The following ALDH8A1 variants were observed in gnomAD, a reference collection of about 807,000 sequenced individuals.
ALDH8A1 encodes 2-aminomuconic semialdehyde dehydrogenase.
Under a neutral mutation model 43.3 loss-of-function variants are expected in ALDH8A1, and 39 were observed. The observed-to-expected ratio is 0.90, with a 90% CI of 0.70 to 1.18. The LOEUF (loss-of-function observed/expected upper bound fraction) is 1.18, where lower values mean the gene tolerates loss of function less well. ALDH8A1 is among the 50% of genes most tolerant of loss of function. The pLI is 0.00. For missense variants in ALDH8A1, 605 were observed against 622.6 expected, an observed-to-expected ratio of 0.97 and a Z score of 0.30; for synonymous variants, 233 against 243.5, an observed-to-expected ratio of 0.96 and a Z score of 0.40.
chr6:134,926,431 C>T (rs1442125795), intron 6 of ALDH8A1, among the ~76,000 whole-genome samples: 1 of 151,102 alleles, frequency 6.6e-6, no homozygotes, highest in Admixed American at 6.6e-5. Context: ...AAACTCCTGA[C>T]CTCAAATGAT....
chr6:134,940,432 C>T (rs778498765), intron 3 of ALDH8A1, among the ~76,000 whole-genome samples: 4 of 152,084 alleles, frequency 2.6e-5, no homozygotes, highest in Non-Finnish European at 4.4e-5. Flanking sequence ...AAATCTCAAG[C>T]TTTATATAAT....
At chr6:134,940,260 C>T (rs1279220544) in intron 3 of ALDH8A1, 2 of 323,342 alleles carry the variant, frequency 6.2e-6, no homozygotes, top group African/African-American at 4.4e-5. Context: ...CAGTTGTCAC[C>T]TGTCACTAAA....
In ALDH8A1 at chr6:134,942,444, C is replaced by A. The variant is rs752384284; in HGVS notation, c.407G>T (p.Cys136Phe). The change falls in exon 3 of 7, where the codon TGC becomes TTC. Residue 136 changes from cysteine to phenylalanine, a missense_variant. By Grantham distance (205) the Cys-to-Phe change is radical. Transcript: ENST00000265605. ...CGGGGCCCGCACCGTGTAGTGCATG[C>A]AGCCCAGGTGGTCCATCTGCGTGCA... is the stretch of plus-strand genomic sequence containing the variant. ...SECTQMDHLG[C>F]MHYTVRAPVG... is the part of the protein sequence containing the mutation. 46 of 1,613,950 alleles carry A rather than the reference C, an allele frequency of 2.9e-5. No homozygotes were observed. Among genetic ancestry groups the A allele is most frequent in the Non-Finnish European group, 3.9e-5 (46 of 1,179,954 alleles).
chr6:134,925,488 TTTAAGC>T (rs1776867805), intron 6 of ALDH8A1, among the ~76,000 whole-genome samples: 1 of 152,208 alleles, frequency 6.6e-6, no homozygotes, highest in Admixed American at 6.5e-5. Flanking sequence ...TTCCAGGTAG[TTTAAGC>T]TAAGGATCAA....
intron 3 of ALDH8A1, chr6:134,942,149 A>C: frequency 8.4e-6 from 2 of 238,032 alleles, no homozygotes; most frequent in Non-Finnish European, 1.6e-5. Flanking sequence ...GAATCCGGGA[A>C]GCAGAGGTTG....
intron 3 of ALDH8A1, among the ~76,000 whole-genome samples, chr6:134,939,858 G>A (rs1200983752): frequency 6.6e-6 from 1 of 152,218 alleles, no homozygotes; most frequent in Admixed American, 6.5e-5. Context: ...ATAAGAATAT[G>A]TGGTACATAT....
At chr6:134,946,860 T>C (rs954411754) in intron 1 of ALDH8A1, among the ~76,000 whole-genome samples, 5 of 146,372 alleles carry the variant, frequency 3.4e-5, no homozygotes, top group African/African-American at 1.3e-4. Flanking sequence ...GATGAGAGTG[T>C]TAGTACTGTC....
intron 1 of ALDH8A1, 107 bp from the exon 2 acceptor site, chr6:134,944,073 T>G: frequency 1.4e-6 from 2 of 1,394,844 alleles, no homozygotes; most frequent in Non-Finnish European, 1.9e-6. Context: ...TTGTTTTGTT[T>G]TGTTTTGTTT....
At position 134,917,605 on chromosome 6, in the gene ALDH8A1, C is replaced by T. The variant is rs1208764973; in HGVS notation, c.*810G>A. ...CAGATACATTTAGTAGAGCTTACCA[C>T]ATAGCCTTCCCCTAACAAATTCCAA... On this transcript the variant is annotated 3_prime_UTR_variant, in exon 7 of 7. Coordinates refer to ENST00000265605, the MANE Select transcript of ALDH8A1 (RefSeq NM_022568.4). 2 of 152,262 alleles carry T rather than the reference C, an allele frequency of 1.3e-5. No individual in the cohort carries two copies. The highest frequency in any genetic ancestry group is 2.9e-5 in the Non-Finnish European group (2 of 68,066). 9.4% of individuals were successfully genotyped at this position (152,262 alleles called of 1,614,324 possible). A position where few individuals can be genotyped will look rare whatever the true frequency, so the allele number is the denominator to read the frequency against.
rs74318814 is a variant in ALDH8A1, at chr6:134,949,569, T to G, written c.138+347A>C. 9.7e-3 allele frequency among the ~76,000 whole-genome samples: 1,478 copies of G among 152,228 alleles called. 31 individuals are homozygous for G. Among genetic ancestry groups the G allele is most frequent in the African/African-American group, 0.034 (1,393 of 41,530 alleles). On this transcript the variant is annotated intron_variant, in intron 1 of 6. Transcript: ENST00000265605. Reference sequence around the variant, plus strand: ...TGGATATAGTGGTAAATTTAAGCAGTGCGTGGTGGAGAAAAGGGAATATTT... The same window carrying G: ...TGGATATAGTGGTAAATTTAAGCAGGGCGTGGTGGAGAAAAGGGAATATTT...
intron 6 of ALDH8A1, among the ~76,000 whole-genome samples, chr6:134,926,033 A>C (rs1259208246): frequency 1.3e-5 from 2 of 152,126 alleles, no homozygotes; most frequent in African/African-American, 4.8e-5. Context: ...GATCGTAGCC[A>C]GTTTCTTAGG....
chr6:134,936,103 C>T (rs894643852), intron 4 of ALDH8A1, among the ~76,000 whole-genome samples: 4 of 152,220 alleles, frequency 2.6e-5, no homozygotes, highest in African/African-American at 9.6e-5. Flanking sequence ...CGGCACTTGC[C>T]ATCATCCCCA....
chr6:134,938,954 A>C (rs1034656381), intron 4 of ALDH8A1, among the ~76,000 whole-genome samples: 3 of 152,102 alleles, frequency 2.0e-5, no homozygotes, highest in African/African-American at 7.2e-5. Flanking sequence ...GCCCCAACTT[A>C]AGATTTTAAT....
At chr6:134,932,736 G>A in intron 5 of ALDH8A1, 40 bp downstream of exon 5, 1 of 1,601,136 alleles carries the variant, frequency 6.2e-7, no homozygotes, top group Non-Finnish European at 8.5e-7. Flanking sequence ...CAGCTTGACA[G>A]GGCCATGGAG....
In ALDH8A1 at chr6:134,949,913, C is replaced by T. The variant is rs1473994198; in HGVS notation, c.138+3G>A. ...TCAGTCTTCTTTAAGTGCATATACTCACCTCGTCTTTTCCACTATTTGGCA... is the reference window on the plus strand; with the variant it reads ...TCAGTCTTCTTTAAGTGCATATACTTACCTCGTCTTTTCCACTATTTGGCA... On this transcript the variant is annotated splice_donor_region_variant and intron_variant, in intron 1 of 6. Transcript: ENST00000265605. 1.3e-6 allele frequency: 2 copies of T among 1,590,318 alleles called. No homozygotes were observed. The highest frequency in any genetic ancestry group is 1.7e-6 in the Non-Finnish European group (2 of 1,167,894).
At chr6:134,942,603 G>A (rs762508692) in intron 2 of ALDH8A1, 39 bp from the exon 3 acceptor site, 9 of 1,586,564 alleles carry the variant, frequency 5.7e-6, no homozygotes, top group Non-Finnish European at 7.7e-6. Flanking sequence ...ATCAGCTAAT[G>A]GGGACACTCT....
intron 1 of ALDH8A1, among the ~76,000 whole-genome samples, chr6:134,945,642 G>A (rs1320013785): frequency 2.0e-5 from 3 of 151,926 alleles, no homozygotes; most frequent in Non-Finnish European, 4.4e-5. Flanking sequence ...TATAATCACA[G>A]CTGTCTTCCA....
intron 2 of ALDH8A1, 102 bp from the exon 3 acceptor site, chr6:134,942,666 A>G (rs1773878461): frequency 8.0e-7 from 1 of 1,249,766 alleles, no homozygotes; most frequent in Non-Finnish European, 1.1e-6. Context: ...AACAGCCTGG[A>G]TTCCTTCTAG....
intron 1 of ALDH8A1, among the ~76,000 whole-genome samples, chr6:134,946,787 C>CACAGGTGCGCATGTGTGCGCGCAT (rs1562261625): frequency 9.7e-5 from 7 of 72,204 alleles, no homozygotes; most frequent in Admixed American, 7.0e-4. Context: ...TGTGCGCGCG[C>CACAGGTGCGCATGTGTGCGCGCAT]GCACAGGTGC....
Sources: allele counts gnomAD v4.1 joint callset (sites outside exome capture counted in the v4.1 genomes callset), GRCh38; gene constraint gnomAD v4.1.1; transcripts MANE v1.5; gene names NCBI Gene and HGNC (gene_info 2026-07-23, HGNC 2026-07-21).